Variants in ASAP3 observed in about 807,000 individuals in gnomAD.
The protein encoded by ASAP3 is ArfGAP with SH3 domain, ankyrin repeat and PH domain 3.
In ASAP3, 85 loss-of-function variants were observed where a neutral mutation model predicts 118.2. The observed-to-expected ratio is 0.72, with a 90% CI of 0.60 to 0.86. ASAP3 has a LOEUF of 0.86. ASAP3 is among the 40% of genes least tolerant of loss of function. ASAP3 has a pLI of 0.00. For synonymous variants in ASAP3, 432 were observed against 477.4 expected, an observed-to-expected ratio of 0.90 and a Z score of 1.24; for missense variants, 1,026 against 1,175.0, an observed-to-expected ratio of 0.87 and a Z score of 1.85.
chr1:23,470,427 G>T (rs896688426), intron 1 of ASAP3, among the ~76,000 whole-genome samples: 4 of 152,292 alleles, frequency 2.6e-5, no homozygotes, highest in African/African-American at 9.6e-5. Flanking sequence ...TACCAAGGTG[G>T]CCCTTGGCCC....
intron 1 of ASAP3, among the ~76,000 whole-genome samples, chr1:23,481,183 A>G (rs1015369432): frequency 2.0e-5 from 3 of 152,188 alleles, no homozygotes; most frequent in Non-Finnish European, 4.4e-5. Context: ...CTATCTTAAA[A>G]GGGTCCCTCA....
At chr1:23,474,347 G>A (rs144967402) in intron 1 of ASAP3, among the ~76,000 whole-genome samples, 60 of 152,164 alleles carry the variant, frequency 3.9e-4, no homozygotes, top group Middle Eastern at 6.8e-3. Flanking sequence ...CTGGGCATCT[G>A]GGCAGCATCT....
intron 1 of ASAP3, among the ~76,000 whole-genome samples, chr1:23,474,666 C>A (rs1642069921): frequency 6.6e-6 from 1 of 151,912 alleles, no homozygotes; most frequent in South Asian, 2.1e-4. Context: ...TCACTGCAAC[C>A]TCCACCTCCC....
At position 23,438,658 on chromosome 1, in the gene ASAP3, C is replaced by A. The variant is rs1233089006; in HGVS notation, c.1102+89G>T. 8.7e-7 allele frequency: 1 copy of A among 1,146,368 alleles called. No individual in the cohort carries two copies. The highest frequency in any genetic ancestry group is 1.9e-5 in the Admixed American group (1 of 52,270). The allele number at this position is 1,146,368 out of a possible 1,614,324, so 71.0% of individuals were successfully genotyped here. ...CACCATGTGTGGAACTGGACACAGA[C>A]CCCTCACTGAAGCCCCCCGGGAGCT... On this transcript the variant is annotated intron_variant, in intron 12 of 24. Coordinates refer to ENST00000336689, the MANE Select transcript of ASAP3 (RefSeq NM_017707.4). The surrounding 1 kb of genome is among the most constrained non-coding windows in gnomAD (Gnocchi z 4.9).
intron 1 of ASAP3, among the ~76,000 whole-genome samples, chr1:23,467,716 C>T (rs2148653695): frequency 6.6e-6 from 1 of 151,952 alleles, no homozygotes; most frequent in Admixed American, 6.6e-5. Flanking sequence ...CTTTGGGAGG[C>T]AGAGGGAGGT....
chr1:23,462,267 G>T (rs920504256), intron 1 of ASAP3, among the ~76,000 whole-genome samples: 2 of 150,814 alleles, frequency 1.3e-5, no homozygotes, highest in Non-Finnish European at 3.0e-5. Context: ...CTCATGATCC[G>T]CCTGCCTCGG....
chr1:23,449,355 G>A (rs1383084098), intron 5 of ASAP3, among the ~76,000 whole-genome samples: 1 of 152,176 alleles, frequency 6.6e-6, no homozygotes, highest in Non-Finnish European at 1.5e-5. Flanking sequence ...ACCTGTACAT[G>A]GAACTGCCTA....
intron 4 of ASAP3, 140 bp from the exon 5 acceptor site, chr1:23,451,668 C>G: frequency 2.2e-6 from 2 of 898,102 alleles, no homozygotes; most frequent in East Asian, 2.5e-5. Flanking sequence ...CCCCTGCCCC[C>G]ACAGTCCTGC....
rs1640320050 is a variant in ASAP3, at chr1:23,428,712, C to A, written c.*1144G>T. The A allele has an allele frequency of 6.5e-6, 1 of 152,982 alleles. No individual in the cohort carries two copies. The highest frequency in any genetic ancestry group is 2.4e-5 in the African/African-American group (1 of 41,482). 9.5% of individuals were successfully genotyped at this position (152,982 alleles called of 1,614,324 possible). Reference sequence around the variant, plus strand: ...AGGGGAAACAGCACAGCCTCCCCAGCCAGGCAGCTGTGTTGGCCATTGGTG... The same window carrying A: ...AGGGGAAACAGCACAGCCTCCCCAGACAGGCAGCTGTGTTGGCCATTGGTG... On this transcript the variant is annotated 3_prime_UTR_variant, in exon 25 of 25. Transcript: ENST00000336689.
Position 23,466,954 on chromosome 1 carries a change from G to A in ASAP3, c.130-10760C>T, listed in dbSNP as rs188316907. 2.9e-4 allele frequency among the ~76,000 whole-genome samples: 44 copies of A among 151,948 alleles called. 2 individuals carry two copies. The East Asian group carries it at 7.7e-3, about 27-fold the overall frequency. ...GTGATCTCAGTTCACCGCAACCTCCGCCTCCCAGGTTCAAGCAATTATCCT... is the reference window on the plus strand; with the variant it reads ...GTGATCTCAGTTCACCGCAACCTCCACCTCCCAGGTTCAAGCAATTATCCT... On this transcript the variant is annotated intron_variant, in intron 1 of 24. Transcript: ENST00000336689.
Position 23,442,246 on chromosome 1 carries a change from T to C in ASAP3, c.611A>G (p.Gln204Arg). The change falls in exon 7 of 25, where the codon CAG (glutamine) becomes CGG (arginine). Residue 204 changes from glutamine (Q) to arginine (R), a missense_variant. By Grantham distance (43) the Gln-to-Arg change is conservative. Transcript: ENST00000336689. ...AAGGAAGTCAGGACCTTGCTTCATC[T>C]GGCTCTCCCCGGCTTTGAGCAGATA... ...CEYLLKAGES[Q>R]MKQGPDFLQS... 1 of 1,606,930 alleles carries C rather than the reference T, an allele frequency of 6.2e-7. No homozygotes were observed. The highest frequency in any genetic ancestry group is 8.5e-7 in the Non-Finnish European group (1 of 1,177,240).
chr1:23,484,421 GC>G (rs1053752283), upstream of ASAP3: 40 of 146,556 alleles, frequency 2.7e-4, no homozygotes, highest in African/African-American at 1.2e-3. Context: ...CCTAGGCCAC[GC>G]CCCCAGCCCC....
intron 1 of ASAP3, among the ~76,000 whole-genome samples, chr1:23,475,024 G>A (rs977967168): frequency 2.8e-4 from 43 of 152,224 alleles, no homozygotes; most frequent in African/African-American, 1.0e-3. Context: ...AAGTACATCT[G>A]TCATTGTGTG....
chr1:23,454,066 C>A (rs971050082), intron 3 of ASAP3, among the ~76,000 whole-genome samples: 2 of 152,116 alleles, frequency 1.3e-5, no homozygotes, highest in African/African-American at 4.8e-5. Flanking sequence ...GTCACCCAGG[C>A]TGGAGCACAG....
chr1:23,440,498 C>T (rs1640827276), intron 10 of ASAP3, among the ~76,000 whole-genome samples: 2 of 44,388 alleles, frequency 4.5e-5, no homozygotes, highest in African/African-American at 1.5e-4. Flanking sequence ...GAGACTCCAT[C>T]TCAAAAAAAA....
rs755750275 is a variant in ASAP3, at chr1:23,434,665, C to G, written c.1750-47G>C. 1.4e-5 allele frequency: 22 copies of G among 1,569,154 alleles called. No individual in the cohort carries two copies. The African/African-American group carries it at 3.0e-4, about 21-fold the overall frequency. On this transcript the variant is annotated intron_variant, in intron 17 of 24. Coordinates refer to ENST00000336689, the MANE Select transcript of ASAP3 (RefSeq NM_017707.4). The stretch of plus-strand genomic sequence containing the variant: ...TGAGATTCCCCCCCCAGTGCACCTG[C>G]CTCCAACCCAGTATTTCCCTCTTGA...
Position 23,431,731 on chromosome 1 carries a change from G to A in ASAP3, c.2511C>T (p.Thr837=). 1 of 1,521,746 alleles carries A rather than the reference G, an allele frequency of 6.6e-7. No individual in the cohort carries two copies. The highest frequency in any genetic ancestry group is 1.3e-5 in the South Asian group (1 of 75,440). 94.3% of individuals were successfully genotyped at this position (1,521,746 alleles called of 1,614,324 possible). ...GTSRPSLTSG[T]TPSEMYLPVR... is the part of the protein sequence containing the mutation. ...CGGGGAGGTACATCTCCGAAGGGGTGGTCCCGGATGTCAGGCTGGGTCTGG... is the reference window on the plus strand; with the variant it reads ...CGGGGAGGTACATCTCCGAAGGGGTAGTCCCGGATGTCAGGCTGGGTCTGG... Residue 837 remains threonine (T), a synonymous_variant, in exon 23 of 25, where the codon ACC becomes ACT. Transcript: ENST00000336689.
intron 3 of ASAP3, 40 bp from the exon 4 acceptor site, chr1:23,452,811 C>T (rs754591623): frequency 5.0e-6 from 8 of 1,591,424 alleles, no homozygotes; most frequent in Admixed American, 3.3e-5. Context: ...CTCAGGTGAC[C>T]GGCATCCAGC....
At chr1:23,432,792 A>G (rs1640485575) in intron 22 of ASAP3, among the ~76,000 whole-genome samples, 1 of 152,114 alleles carries the variant, frequency 6.6e-6, no homozygotes, top group African/African-American at 2.4e-5. Flanking sequence ...GATGAAGGGG[A>G]TGCTCAATAA....
Sources: gnomAD v4.1 joint callset for allele counts (sites outside exome capture counted in the v4.1 genomes callset) on GRCh38, gnomAD v4.1.1 for gene constraint, Gnocchi (gnomAD v3.1) non-coding constraint, MANE v1.5 for transcripts, NCBI Gene and HGNC (gene_info 2026-07-23, HGNC 2026-07-21) for gene names.